Variants in STAC observed in about 807,000 individuals in gnomAD.
STAC encodes SH3 and cysteine rich domain.
STAC carries 43 observed loss-of-function variants against 48.8 expected under a neutral mutation model. The observed-to-expected ratio is 0.88, with a 90% CI of 0.69 to 1.14. STAC has a LOEUF of 1.14. Among genes scored for constraint, STAC ranks in the 50% most tolerant of loss-of-function variants. The pLI is 0.00. For synonymous variants in STAC, 193 were observed against 179.5 expected (o/e 1.07, Z -0.60); for missense variants, 497 against 504.0 (o/e 0.99, Z 0.13).
At chr3:36,423,413 C>A (rs960660729) in intron 1 of STAC, among the ~76,000 whole-genome samples, 1 of 151,058 alleles carries the variant, frequency 6.6e-6, no homozygotes, top group Non-Finnish European at 1.5e-5. Flanking sequence ...AAATATTAGG[C>A]TTCAATAAGA....
chr3:36,476,296 G>A (rs181169587), intron 2 of STAC, among the ~76,000 whole-genome samples: 48 of 152,350 alleles, frequency 3.2e-4, no homozygotes, highest in Admixed American at 9.8e-4. Flanking sequence ...CTCTGAGAAC[G>A]ATGAGGGGAC....
At chr3:36,456,711 T>C (rs1696865929) in intron 2 of STAC, among the ~76,000 whole-genome samples, 1 of 152,160 alleles carries the variant, frequency 6.6e-6, no homozygotes, top group Non-Finnish European at 1.5e-5. Context: ...ATGTTCTCTC[T>C]CCTCTGAGGG....
intron 1 of STAC, among the ~76,000 whole-genome samples, chr3:36,402,965 A>G (rs1467587293): frequency 6.6e-6 from 1 of 152,178 alleles, no homozygotes; most frequent in African/African-American, 2.4e-5. Flanking sequence ...GCATAAACCA[A>G]AAGGACCACT....
At chr3:36,453,036 C>T (rs1346399220) in intron 2 of STAC, among the ~76,000 whole-genome samples, 1 of 152,238 alleles carries the variant, frequency 6.6e-6, no homozygotes, top group African/African-American at 2.4e-5. Flanking sequence ...ATATCTGAAC[C>T]CCATTTTGGG....
intron 1 of STAC, among the ~76,000 whole-genome samples, chr3:36,398,363 G>GAA (rs200765760): frequency 8.0e-6 from 1 of 124,966 alleles, no homozygotes; most frequent in African/African-American, 3.1e-5. Flanking sequence ...AAGAAAGAAA[G>GAA]AAAGAAAAGA....
At chr3:36,538,309 G>A (rs540078920) in intron 10 of STAC, among the ~76,000 whole-genome samples, 1 of 152,294 alleles carries the variant, frequency 6.6e-6, no homozygotes, top group African/African-American at 2.4e-5. Flanking sequence ...CACTGCAACA[G>A]AGACCAGATG....
chr3:36,493,513 T>C (rs1698051379), intron 6 of STAC, among the ~76,000 whole-genome samples: 1 of 152,026 alleles, frequency 6.6e-6, no homozygotes, highest in African/African-American at 2.4e-5. Flanking sequence ...CTGAGCTGTA[T>C]TGGGGTTTAA....
rs758154742 is a variant in STAC at position 36,443,436 on chromosome 3, C to A, written c.184C>A (p.Gln62Lys). 4.8e-5 allele frequency: 78 copies of A among 1,614,080 alleles called. 1 individual carries two copies. The highest frequency in any genetic ancestry group is 6.6e-5 in the South Asian group (6 of 91,088). The change falls in exon 2 of 11, where the codon CAG becomes AAG. Residue 62 changes from glutamine to lysine, a missense_variant. Coordinates refer to ENST00000273183, the MANE Select transcript of STAC (RefSeq NM_003149.3). The surrounding 1 kb of genome is among the most constrained non-coding windows in gnomAD (Gnocchi z 4.2). ...LRSKSADNFF[Q>K]RTNSEDMKLQ... ...GAGCAAAAGTGCTGACAACTTCTTC[C>A]AGCGAACCAACAGCGAAGACATGAA... is the stretch of plus-strand genomic sequence containing the variant.
At chr3:36,493,917 G>T (rs370002168) in intron 6 of STAC, among the ~76,000 whole-genome samples, 2 of 151,590 alleles carry the variant, frequency 1.3e-5, no homozygotes, top group Non-Finnish European at 1.5e-5. Context: ...TTGGGAGGCC[G>T]AGGCGGGCGG....
chr3:36,443,842 G>C lies in STAC; in HGVS notation c.388+202G>C, dbSNP rs1696429460. Among the ~76,000 whole-genome samples, 1 of 152,196 alleles carries C rather than the reference G, an allele frequency of 6.6e-6. No homozygotes were observed. Among genetic ancestry groups the C allele is most frequent in the Admixed American group, 6.5e-5 (1 of 15,286 alleles). On this transcript the variant is annotated intron_variant, in intron 2 of 10. Coordinates refer to ENST00000273183, the MANE Select transcript of STAC (RefSeq NM_003149.3). This position sits in a 1 kb window ranked among gnomAD's most constrained non-coding sequence, Gnocchi z 4.2. The stretch of plus-strand genomic sequence containing the variant: ...ACTGGGTAGTGGGAGAAGTTGGGTT[G>C]TGATATAGTTGTAATCAGGACTTCA...
intron 10 of STAC, 72 bp downstream of exon 10, chr3:36,529,057 G>C: frequency 2.8e-6 from 4 of 1,405,016 alleles, no homozygotes; most frequent in Non-Finnish European, 3.8e-6. Context: ...TTAATAATAT[G>C]TATAAATCTG....
chr3:36,510,642 T>C (rs1330477547), intron 8 of STAC, among the ~76,000 whole-genome samples: 2 of 152,046 alleles, frequency 1.3e-5, no homozygotes, highest in East Asian at 3.9e-4. Context: ...AAAGGATGAG[T>C]TCATGCCCTT....
chr3:36,513,539 A>G (rs1040590071), intron 8 of STAC, among the ~76,000 whole-genome samples: 1 of 152,130 alleles, frequency 6.6e-6, no homozygotes, highest in African/African-American at 2.4e-5. Context: ...GTGATAGTGC[A>G]CTAAGGTAAC....
intron 1 of STAC, among the ~76,000 whole-genome samples, chr3:36,381,144 T>G (rs898220844): frequency 1.3e-5 from 2 of 152,110 alleles, no homozygotes; most frequent in African/African-American, 4.8e-5. Flanking sequence ...GCTTGAGTAC[T>G]GGGCCAGAAA....
At chr3:36,389,972 G>T (rs201720745) in intron 1 of STAC, among the ~76,000 whole-genome samples, 2 of 89,098 alleles carry the variant, frequency 2.2e-5, no homozygotes, top group Non-Finnish European at 2.7e-5. Context: ...TTTCATTTGG[G>T]GGGGAAGGGA....
rs11267408 is a variant in STAC at position 36,492,031 on chromosome 3, A to AATATATATATAT, written c.688-1095_688-1084dup. Among the ~76,000 whole-genome samples the AATATATATATAT allele has an allele frequency of 4.1e-3, 67 of 16,428 alleles. 2 individuals are homozygous for AATATATATATAT. The highest frequency in any genetic ancestry group is 5.8e-3 in the Non-Finnish European group (49 of 8,478). The allele number at this position is 16,428 out of a possible 152,430, so 10.8% of individuals were successfully genotyped here. A position where few individuals can be genotyped will look rare whatever the true frequency, so the allele number is the denominator to read the frequency against. On this transcript the variant is annotated intron_variant, in intron 5 of 10. Coordinates refer to ENST00000273183, the MANE Select transcript of STAC (RefSeq NM_003149.3). ...AAAAAAAAAAAAAAAAAAAAAAAAA[A>AATATATATATAT]ATATATATATATATATATATATATA... is the stretch of plus-strand genomic sequence containing the variant.
chr3:36,442,412 T>G (rs946282021), intron 1 of STAC, among the ~76,000 whole-genome samples: 1 of 152,142 alleles, frequency 6.6e-6, no homozygotes, highest in African/African-American at 2.4e-5. Context: ...AGAAAAACTA[T>G]GTACTAAGGA....
intron 1 of STAC, among the ~76,000 whole-genome samples, chr3:36,437,324 C>T (rs1309855864): frequency 6.6e-6 from 1 of 151,578 alleles, no homozygotes; most frequent in Non-Finnish European, 1.5e-5. Context: ...GACACATGCA[C>T]ACGTATGTTT....
intron 1 of STAC, among the ~76,000 whole-genome samples, chr3:36,407,645 A>G (rs531912205): frequency 2.6e-5 from 4 of 152,342 alleles, no homozygotes; most frequent in African/African-American, 9.6e-5. Flanking sequence ...AGGTAACACT[A>G]GACGCTATTA....
Sources: gnomAD v4.1 joint callset for allele counts (sites outside exome capture counted in the v4.1 genomes callset) on GRCh38, gnomAD v4.1.1 for gene constraint, Gnocchi (gnomAD v3.1) non-coding constraint, MANE v1.5 for transcripts, NCBI Gene and HGNC (gene_info 2026-07-23, HGNC 2026-07-21) for gene names.